The following THSD7A variants were observed in gnomAD, a reference collection of about 807,000 sequenced individuals.
THSD7A encodes thrombospondin type-1 domain-containing protein 7A.
THSD7A carries 96 observed loss-of-function variants against 231.3 expected under a neutral mutation model. The ratio of observed to expected loss-of-function variants is 0.41; its 90% CI spans 0.35 to 0.49. The LOEUF is 0.49. THSD7A is among the 20% of genes least tolerant of loss of function. THSD7A has a pLI of 0.05. For missense variants in THSD7A, 2,290 were observed against 2,070.2 expected, an observed-to-expected ratio of 1.11 and a Z score of -2.06; for synonymous variants, 940 against 743.3, an observed-to-expected ratio of 1.26 and a Z score of -4.30.
At position 11,404,925 on chromosome 7, in the gene THSD7A, T is replaced by C. The variant is rs150915031; in HGVS notation, c.4237+1375A>G. The stretch of plus-strand genomic sequence containing the variant: ...TTGCATAGCTGAACCTTTACACTCA[T>C]TGAGAAGGAGCTGCTATTCAGATTT... On this transcript the variant is annotated intron_variant, in intron 22 of 27. Transcript: ENST00000423059. Among the ~76,000 whole-genome samples, 11 of 152,256 alleles carry C rather than the reference T, an allele frequency of 7.2e-5. No individual in the cohort carries two copies. The East Asian group carries it at 1.9e-3, about 27-fold the overall frequency.
chr7:11,426,727 A>C (rs897686294), intron 14 of THSD7A, 56 bp from the exon 15 acceptor site: 6 of 1,518,452 alleles, frequency 4.0e-6, no homozygotes, highest in Non-Finnish European at 5.3e-6. Flanking sequence ...GTAGGTGAAA[A>C]TGTCAGTATG....
intron 23 of THSD7A, among the ~76,000 whole-genome samples, chr7:11,388,823 A>T (rs912053411): frequency 6.6e-6 from 1 of 151,802 alleles, no homozygotes; most frequent in African/African-American, 2.4e-5. Flanking sequence ...TCCCTCTGGT[A>T]CTTTGAGTCT....
intron 1 of THSD7A, among the ~76,000 whole-genome samples, chr7:11,813,214 C>T (rs1312579116): frequency 1.3e-5 from 2 of 152,096 alleles, no homozygotes; most frequent in Non-Finnish European, 2.9e-5. Flanking sequence ...AGATTAAAAA[C>T]TTGTTGGCAT....
At chr7:11,419,338 G>A (rs1398751374) in intron 16 of THSD7A, among the ~76,000 whole-genome samples, 1 of 152,138 alleles carries the variant, frequency 6.6e-6, no homozygotes, top group Non-Finnish European at 1.5e-5. Context: ...ATGATAGTGA[G>A]TTCTCATGAG....
intron 1 of THSD7A, among the ~76,000 whole-genome samples, chr7:11,705,756 G>C (rs1030263139): frequency 6.6e-6 from 1 of 150,916 alleles, no homozygotes; most frequent in African/African-American, 2.4e-5. Flanking sequence ...GCAAATCAAT[G>C]TTGGTAAATT....
intron 15 of THSD7A, among the ~76,000 whole-genome samples, chr7:11,425,359 G>T (rs886203219): frequency 1.3e-5 from 2 of 152,016 alleles, no homozygotes; most frequent in Non-Finnish European, 2.9e-5. Flanking sequence ...TATCATATGG[G>T]AAACTAAATT....
chr7:11,692,867 T>C (rs1780277037), intron 1 of THSD7A, among the ~76,000 whole-genome samples: 2 of 151,576 alleles, frequency 1.3e-5, no homozygotes. Flanking sequence ...TAGCTGAAAT[T>C]CTTCAGGAGA....
chr7:11,655,574 G>A (rs1782672701), intron 1 of THSD7A, among the ~76,000 whole-genome samples: 1 of 151,668 alleles, frequency 6.6e-6, no homozygotes, highest in African/African-American at 2.4e-5. Flanking sequence ...CTTTTCTGGG[G>A]CACTGCTAGA....
At chr7:11,568,298 G>T (rs1197741182) in intron 4 of THSD7A, among the ~76,000 whole-genome samples, 1 of 151,488 alleles carries the variant, frequency 6.6e-6, no homozygotes, top group Non-Finnish European at 1.5e-5. Context: ...CTGACCTTCT[G>T]CATATCTCTG....
chr7:11,387,382 T>C (rs1782791708), intron 23 of THSD7A, among the ~76,000 whole-genome samples: 1 of 152,226 alleles, frequency 6.6e-6, no homozygotes, highest in Non-Finnish European at 1.5e-5. Flanking sequence ...TCCTCTCTGA[T>C]TTCCTTGAGC....
intron 13 of THSD7A, among the ~76,000 whole-genome samples, chr7:11,437,841 A>T (rs2128292433): frequency 6.6e-6 from 1 of 152,222 alleles, no homozygotes; most frequent in East Asian, 1.9e-4. Flanking sequence ...AATACATTTC[A>T]GTTACTTTAT....
chr7:11,513,702 G>A (rs1239081907), intron 6 of THSD7A, among the ~76,000 whole-genome samples: 2 of 152,064 alleles, frequency 1.3e-5, no homozygotes, highest in African/African-American at 4.8e-5. Flanking sequence ...AAATATTTTG[G>A]AACTAGATCA....
At chr7:11,625,927 C>T (rs1402608434) in intron 2 of THSD7A, among the ~76,000 whole-genome samples, 1 of 152,076 alleles carries the variant, frequency 6.6e-6, no homozygotes, top group Non-Finnish European at 1.5e-5. Context: ...CCCCGATCAG[C>T]AGCAAGGCTC....
chr7:11,795,946 A>G (rs1002578008), intron 1 of THSD7A, among the ~76,000 whole-genome samples: 18 of 150,772 alleles, frequency 1.2e-4, no homozygotes, highest in Non-Finnish European at 2.2e-4. Flanking sequence ...ATCATTATAA[A>G]TTGTAATGCT....
chr7:11,744,228 T>C (rs1782202554), intron 1 of THSD7A, among the ~76,000 whole-genome samples: 1 of 151,860 alleles, frequency 6.6e-6, no homozygotes, highest in African/African-American at 2.4e-5. Context: ...GTCATTGACT[T>C]GTTGGATTAA....
Position 11,406,497 on chromosome 7 carries a change from T to A in THSD7A, c.4063-23A>T. 6.3e-7 allele frequency: 1 copy of A among 1,584,742 alleles called. No individual in the cohort carries two copies. The highest frequency in any genetic ancestry group is 8.6e-7 in the Non-Finnish European group (1 of 1,167,298). ...CTCCTGGAATGGAGGAAGAAATAACTAATTAGAAAAAGAGAAATACTTCAT... is the reference window on the plus strand; with the variant it reads ...CTCCTGGAATGGAGGAAGAAATAACAAATTAGAAAAAGAGAAATACTTCAT... On this transcript the variant is annotated intron_variant, in intron 21 of 27. Coordinates refer to ENST00000423059, the MANE Select transcript of THSD7A (RefSeq NM_015204.3). The surrounding 1 kb of genome is among the most constrained non-coding windows in gnomAD (Gnocchi z 4.7).
intron 6 of THSD7A, among the ~76,000 whole-genome samples, chr7:11,531,937 C>T (rs1026332781): frequency 3.9e-4 from 60 of 152,296 alleles, no homozygotes; most frequent in African/African-American, 1.4e-3. Flanking sequence ...TACCTCTCAT[C>T]AAAAGGTATA....
intron 6 of THSD7A, among the ~76,000 whole-genome samples, chr7:11,512,276 C>G (rs1189470939): frequency 6.6e-6 from 1 of 152,090 alleles, no homozygotes; most frequent in Non-Finnish European, 1.5e-5. Context: ...ATTAAAAAGT[C>G]AGGAAGCAAC....
intron 1 of THSD7A, among the ~76,000 whole-genome samples, chr7:11,749,215 C>T (rs1047621524): frequency 1.3e-5 from 2 of 151,936 alleles, no homozygotes; most frequent in African/African-American, 4.8e-5. Context: ...TGCTCCTTGC[C>T]CTGTTTTCAG....
Sources: gnomAD v4.1 joint callset for allele counts (sites outside exome capture counted in the v4.1 genomes callset) on GRCh38, gnomAD v4.1.1 for gene constraint, Gnocchi (gnomAD v3.1) non-coding constraint, MANE v1.5 for transcripts, NCBI Gene and HGNC (gene_info 2026-07-23, HGNC 2026-07-21) for gene names.